PPP1R12A: variants seen among roughly 807,000 people sequenced by gnomAD.
PPP1R12A encodes the protein protein phosphatase 1 regulatory subunit 12A.
PPP1R12A carries 19 observed loss-of-function variants against 139.6 expected under a neutral mutation model. That is an observed-to-expected ratio of 0.14 (90% CI 0.09 to 0.20). PPP1R12A has a LOEUF of 0.20. PPP1R12A is among the 10% of genes least tolerant of loss of function. The pLI is 1.00. For missense variants in PPP1R12A, 925 were observed against 1,211.5 expected, an observed-to-expected ratio of 0.76 and a Z score of 3.51; for synonymous variants, 427 against 420.6, an observed-to-expected ratio of 1.02 and a Z score of -0.19.
chr12:79,891,587 A>G (rs1884645634), intron 1 of PPP1R12A, among the ~76,000 whole-genome samples: 1 of 152,232 alleles, frequency 6.6e-6, no homozygotes, highest in East Asian at 1.9e-4. Context: ...CTAAGGTGGC[A>G]ATGATCACTA....
At chr12:79,861,846 AG>A (rs1292522527) in intron 2 of PPP1R12A, among the ~76,000 whole-genome samples, 1 of 152,128 alleles carries the variant, frequency 6.6e-6, no homozygotes, top group African/African-American at 2.4e-5. Flanking sequence ...GAGCTCAGCA[AG>A]GCCTACTGAC....
In PPP1R12A at chr12:79,773,999, C is replaced by T. The variant is rs1451748598; in HGVS notation, c.*1930G>A. 1.3e-5 allele frequency: 2 copies of T among 152,068 alleles called. No individual in the cohort carries two copies. Among genetic ancestry groups the T allele is most frequent in the Non-Finnish European group, 2.9e-5 (2 of 68,000 alleles). The allele number at this position is 152,068 out of a possible 1,614,324, so 9.4% of individuals were successfully genotyped here. ...AAGAATAAATAACCTAAATACAAAACACTAAAATATTAGAAACATGTATTT... is the reference window on the plus strand; with the variant it reads ...AAGAATAAATAACCTAAATACAAAATACTAAAATATTAGAAACATGTATTT... On this transcript the variant is annotated 3_prime_UTR_variant, in exon 25 of 25. Coordinates refer to ENST00000450142, the MANE Select transcript of PPP1R12A (RefSeq NM_002480.3).
At chr12:79,820,642 A>G in intron 8 of PPP1R12A, 132 bp downstream of exon 8, 1 of 842,512 alleles carries the variant, frequency 1.2e-6, no homozygotes, top group Non-Finnish European at 1.8e-6. Flanking sequence ...TCACTGAAAG[A>G]TAATTTAGTA....
intron 8 of PPP1R12A, among the ~76,000 whole-genome samples, chr12:79,820,346 T>C (rs1241690765): frequency 6.6e-6 from 1 of 152,050 alleles, no homozygotes; most frequent in Non-Finnish European, 1.5e-5. Context: ...CAAAGCAAAT[T>C]CCCCCACACC....
chr12:79,784,432 C>T (rs2136983026), intron 22 of PPP1R12A, among the ~76,000 whole-genome samples: 1 of 152,252 alleles, frequency 6.6e-6, no homozygotes, highest in South Asian at 2.1e-4. Context: ...TGGTCACTAA[C>T]AAAACAGGCT....
At chr12:79,815,524 GA>G (rs796393176) in intron 9 of PPP1R12A, among the ~76,000 whole-genome samples, 2,204 of 96,454 alleles carry the variant, frequency 0.023, 38 homozygotes, top group African/African-American at 0.07. Flanking sequence ...GCCTCAAAAA[GA>G]AAAAAAAAAA....
intron 2 of PPP1R12A, among the ~76,000 whole-genome samples, chr12:79,871,786 A>C (rs1429211358): frequency 1.3e-5 from 2 of 152,232 alleles, no homozygotes; most frequent in East Asian, 1.9e-4. Context: ...CGGGAAAAGT[A>C]CAAAAAGGAA....
intron 24 of PPP1R12A, chr12:79,777,747 A>G (rs1249130245): frequency 1.5e-6 from 1 of 671,644 alleles, no homozygotes; most frequent in African/African-American, 2.0e-5. Flanking sequence ...TTTTAAAAAT[A>G]TTACGTCTTA....
At chr12:79,795,930 C>G (rs917307623) in intron 17 of PPP1R12A, among the ~76,000 whole-genome samples, 171 bp from the exon 18 acceptor site, 21 of 152,072 alleles carry the variant, frequency 1.4e-4, no homozygotes, top group African/African-American at 4.6e-4. Context: ...GAATTCAGAT[C>G]CAGTGTTGCC....
chr12:79,815,676 CT>C, intron 9 of PPP1R12A, among the ~76,000 whole-genome samples: 1 of 152,060 alleles, frequency 6.6e-6, no homozygotes, highest in African/African-American at 2.4e-5. Context: ...GTAAAATAAA[CT>C]TTAATTAAAG....
chr12:79,931,755 A>C lies in PPP1R12A; in HGVS notation c.237+2940T>G, dbSNP rs192560805. Among the ~76,000 whole-genome samples the C allele has an allele frequency of 2.0e-5, 3 of 152,280 alleles. No homozygotes were observed. In the East Asian group the frequency reaches 5.8e-4, roughly 29 times the overall value. ...AACCAGAAATTTGTATCTATGGTTAACTTTGTGCTGTTTTGTAGCTTTGGG... is the reference window on the plus strand; with the variant it reads ...AACCAGAAATTTGTATCTATGGTTACCTTTGTGCTGTTTTGTAGCTTTGGG... On this transcript the variant is annotated intron_variant, in intron 1 of 24. Transcript: ENST00000450142.
intron 2 of PPP1R12A, among the ~76,000 whole-genome samples, chr12:79,872,276 T>TA (rs1299276019): frequency 1.3e-5 from 2 of 152,162 alleles, no homozygotes; most frequent in Non-Finnish European, 2.9e-5. Flanking sequence ...TTAAATGCTT[T>TA]AAAAAATCAG....
chr12:79,869,809 C>T (rs947337398), intron 2 of PPP1R12A, among the ~76,000 whole-genome samples: 5 of 152,150 alleles, frequency 3.3e-5, no homozygotes, highest in Non-Finnish European at 5.9e-5. Context: ...AATGGCAGAA[C>T]TAGGATTTGC....
At position 79,775,842 on chromosome 12, in the gene PPP1R12A, A is replaced by T. The variant is rs574766013; in HGVS notation, c.*87T>A. On this transcript the variant is annotated 3_prime_UTR_variant, in exon 25 of 25. Coordinates refer to ENST00000450142, the MANE Select transcript of PPP1R12A (RefSeq NM_002480.3). Reference sequence around the variant, plus strand: ...TATCCGAAAATGACAGTCTCCAAGGATTCTTCCCAGACTTCCAGTGACTGC... The same window carrying T: ...TATCCGAAAATGACAGTCTCCAAGGTTTCTTCCCAGACTTCCAGTGACTGC... 1.7e-5 allele frequency: 15 copies of T among 859,926 alleles called. No homozygotes were observed. The African/African-American group carries it at 1.8e-4, about 10-fold the overall frequency. The allele number at this position is 859,926 out of a possible 1,614,324, so 53.3% of individuals were successfully genotyped here. A position where few individuals can be genotyped will look rare whatever the true frequency, so the allele number is the denominator to read the frequency against.
intron 1 of PPP1R12A, among the ~76,000 whole-genome samples, chr12:79,898,495 T>C (rs1459223022): frequency 1.3e-5 from 2 of 152,068 alleles, no homozygotes; most frequent in Non-Finnish European, 2.9e-5. Context: ...CCTTACACTA[T>C]GAAGAAAATG....
intron 1 of PPP1R12A, among the ~76,000 whole-genome samples, chr12:79,899,507 G>T (rs1885441739): frequency 6.6e-6 from 1 of 151,920 alleles, no homozygotes. Context: ...TTTGTGAAAG[G>T]CTTCTTTTAG....
At chr12:79,812,302 T>G (rs986863629) in intron 9 of PPP1R12A, among the ~76,000 whole-genome samples, 2 of 151,994 alleles carry the variant, frequency 1.3e-5, no homozygotes, top group African/African-American at 2.4e-5. Flanking sequence ...CATTAAACTC[T>G]CTTCTTTGGC....
intron 2 of PPP1R12A, among the ~76,000 whole-genome samples, chr12:79,869,994 A>G (rs572342382): frequency 1.2e-4 from 18 of 151,718 alleles, no homozygotes; most frequent in African/African-American, 2.9e-4. Flanking sequence ...CACCCTATCA[A>G]TTAGGCCACC....
At chr12:79,857,615 C>T (rs1045907594) in intron 2 of PPP1R12A, among the ~76,000 whole-genome samples, 2 of 151,584 alleles carry the variant, frequency 1.3e-5, no homozygotes, top group African/African-American at 2.4e-5. Context: ...ATAAAATAAA[C>T]GAATGTTACC....
Sources: allele counts gnomAD v4.1 joint callset (sites outside exome capture counted in the v4.1 genomes callset), GRCh38; gene constraint gnomAD v4.1.1; transcripts MANE v1.5; gene names NCBI Gene and HGNC (gene_info 2026-07-23, HGNC 2026-07-21).